PFKFB2: variants seen among roughly 807,000 people sequenced by gnomAD.
PFKFB2 encodes 6-phosphofructo-2-kinase/fructose-2,6-biphosphatase 2, also known as 6-phosphofructo-2-kinase/fructose-2,6-bisphosphatase 2.
A neutral mutation model predicts 68.0 loss-of-function variants in PFKFB2; 53 were observed. That is an observed-to-expected ratio of 0.78 (90% CI 0.63 to 0.98). The LOEUF (loss-of-function observed/expected upper bound fraction) is 0.98, where lower values mean the gene tolerates loss of function less well. Among genes scored for constraint, PFKFB2 ranks in the 50% least tolerant of loss-of-function variants. The probability of loss-of-function intolerance (pLI) is 0.00; values close to 1 mark genes in which losing one functional copy is unlikely to be tolerated. For missense variants in PFKFB2, 451 were observed against 642.0 expected (o/e 0.70, Z 3.22); for synonymous variants, 222 against 227.6 (o/e 0.98, Z 0.22).
rs969625569 is a variant in PFKFB2, at chr1:207,074,558, T to C, written c.*2187T>C. ...CTTTACTCGTATGTCCCAAGTAGGA[T>C]ACCATAGGCAGCTTCTAAAGGCTGC... On this transcript the variant is annotated 3_prime_UTR_variant, in exon 15 of 15. Transcript: ENST00000367080. 3 of 985,282 alleles carry C rather than the reference T, an allele frequency of 3.0e-6. No individual in the cohort carries two copies. The highest frequency in any genetic ancestry group is 3.6e-6 in the Non-Finnish European group (3 of 829,930). 61.0% of individuals were successfully genotyped at this position (985,282 alleles called of 1,614,324 possible). A position where few individuals can be genotyped will look rare whatever the true frequency, so the allele number is the denominator to read the frequency against.
upstream of PFKFB2, chr1:207,049,245 G>A (rs1161497777): frequency 6.2e-7 from 1 of 1,614,020 alleles, no homozygotes; most frequent in African/African-American, 1.3e-5. Context: ...GATCAGGGAA[G>A]TTACGCTGAA....
chr1:207,074,608 T>C lies in PFKFB2; in HGVS notation c.*2237T>C. 1.0e-6 allele frequency: 1 copy of C among 985,422 alleles called. No homozygotes were observed. Among genetic ancestry groups the C allele is most frequent in the Non-Finnish European group, 1.2e-6 (1 of 829,928 alleles). 61.0% of individuals were successfully genotyped at this position (985,422 alleles called of 1,614,324 possible). A position where few individuals can be genotyped will look rare whatever the true frequency, so the allele number is the denominator to read the frequency against. ...CTTACCTAGATTCTTCTCAAAATTG[T>C]GTCCAAGATGTTAAGTAACCTGCTA... On this transcript the variant is annotated 3_prime_UTR_variant, in exon 15 of 15. Coordinates refer to ENST00000367080, the MANE Select transcript of PFKFB2 (RefSeq NM_006212.2).
At chr1:207,065,215 A>T (rs1683248656) in intron 8 of PFKFB2, 55 bp downstream of exon 8, 3 of 1,597,080 alleles carry the variant, frequency 1.9e-6, no homozygotes, top group Non-Finnish European at 2.6e-6. Flanking sequence ...CATCTGGGAA[A>T]ATAACCTTTC....
chr1:207,058,519 C>G (rs1279740409), intron 2 of PFKFB2, among the ~76,000 whole-genome samples: 2 of 152,182 alleles, frequency 1.3e-5, no homozygotes, highest in Non-Finnish European at 2.9e-5. Context: ...ATTGTGGGAC[C>G]ATGGGCAAAG....
In PFKFB2 at chr1:207,064,117, T is replaced by G. The variant is rs116491777; in HGVS notation, c.507+288T>G. 2.1e-3 allele frequency among the ~76,000 whole-genome samples: 318 copies of G among 152,302 alleles called. 1 individual carries two copies. Among genetic ancestry groups the G allele is most frequent in the Non-Finnish European group, 2.9e-3 (199 of 68,030 alleles). On this transcript the variant is annotated intron_variant, in intron 7 of 14. Coordinates refer to ENST00000367080, the MANE Select transcript of PFKFB2 (RefSeq NM_006212.2). ...TTAGGTTGTAGGATTCTTGGCCCTG[T>G]GCTCTAGGTATTATCTGGATGTTGA... is the stretch of plus-strand genomic sequence containing the variant.
upstream of PFKFB2, chr1:207,049,833 G>C (rs1682692666): frequency 7.3e-6 from 7 of 960,584 alleles, no homozygotes; most frequent in Non-Finnish European, 1.1e-5. Flanking sequence ...CATAAACTGG[G>C]GTTACTAAGG....
At chr1:207,077,940 C>G (rs1175876007), downstream of PFKFB2, 1 of 278,228 alleles carries the variant, frequency 3.6e-6, no homozygotes, top group Non-Finnish European at 5.5e-6. Context: ...CAGAAGTTCG[C>G]ACTGTAATTG....
rs1040077816 is a variant in PFKFB2 at position 207,074,472 on chromosome 1, G to A, written c.*2101G>A. Reference sequence around the variant, plus strand: ...GATTTTAAGCACCCTGGAGAGAGGTGCAGACCCTGCCAGGATGATAAAGGT... The same window carrying A: ...GATTTTAAGCACCCTGGAGAGAGGTACAGACCCTGCCAGGATGATAAAGGT... On this transcript the variant is annotated 3_prime_UTR_variant, in exon 15 of 15. Transcript: ENST00000367080. 1 of 985,408 alleles carries A rather than the reference G, an allele frequency of 1.0e-6. No individual in the cohort carries two copies. 61.0% of individuals were successfully genotyped at this position (985,408 alleles called of 1,614,324 possible).
In PFKFB2 at chr1:207,062,701, C is replaced by A; in HGVS notation, c.293C>A (p.Ala98Asp). The A allele has an allele frequency of 1.2e-6, 2 of 1,613,906 alleles. No homozygotes were observed. The highest frequency in any genetic ancestry group is 1.7e-6 in the Non-Finnish European group (2 of 1,179,914). The change falls in exon 4 of 15, where the codon GCC becomes GAC. Residue 98 changes from alanine to aspartate, a missense_variant. Coordinates refer to ENST00000367080, the MANE Select transcript of PFKFB2 (RefSeq NM_006212.2). ...YDFFRHDNEE[A>D]MKIRKQCALV... ...TTCTTTCGGCATGACAATGAGGAGG[C>A]CATGAAGATCCGCAAGTGAGTCTTG...
chr1:207,050,586 C>T (rs796705998), upstream of PFKFB2: 3 of 1,518,298 alleles, frequency 2.0e-6, no homozygotes, highest in Non-Finnish European at 2.7e-6. Flanking sequence ...CAAAGCCCCC[C>T]CGCCGACTCA....
chr1:207,065,773 T>C lies in PFKFB2; in HGVS notation c.632+613T>C, dbSNP rs1572728237. On this transcript the variant is annotated intron_variant, in intron 8 of 14. Transcript: ENST00000367080. Reference sequence around the variant, plus strand: ...GTTGTAGGACCTGTCCTGTGCATTGTAGGATGTTCAGCAGCTTCCCTGGGC... The same window carrying C: ...GTTGTAGGACCTGTCCTGTGCATTGCAGGATGTTCAGCAGCTTCCCTGGGC... 2.6e-5 allele frequency among the ~76,000 whole-genome samples: 4 copies of C among 152,320 alleles called. 1 individual carries two copies. Among genetic ancestry groups the C allele is most frequent in the Middle Eastern group, 3.4e-3 (1 of 294 alleles).
rs1683563968 is a variant in PFKFB2, at chr1:207,074,415, A to C, written c.*2044A>C. 1.0e-6 allele frequency: 1 copy of C among 985,306 alleles called. No homozygotes were observed. The highest frequency in any genetic ancestry group is 1.2e-6 in the Non-Finnish European group (1 of 829,934). 61.0% of individuals were successfully genotyped at this position (985,306 alleles called of 1,614,324 possible). A position where few individuals can be genotyped will look rare whatever the true frequency, so the allele number is the denominator to read the frequency against. ...CTGAGTGATGTGGAACAAATCACTGAATTAAATAATTGTCTCTAGAGAGCA... is the reference window on the plus strand; with the variant it reads ...CTGAGTGATGTGGAACAAATCACTGCATTAAATAATTGTCTCTAGAGAGCA... On this transcript the variant is annotated 3_prime_UTR_variant, in exon 15 of 15. Coordinates refer to ENST00000367080, the MANE Select transcript of PFKFB2 (RefSeq NM_006212.2).
rs562308999 is a variant in PFKFB2 at position 207,077,202 on chromosome 1, T to C, written c.*4831T>C. On this transcript the variant is annotated 3_prime_UTR_variant, in exon 15 of 15. Transcript: ENST00000367080. ...CCACTGTTCATTTCTGAAGCTTCTGTGTCCCCAGCTTACCCTGTTCTGAAA... is the reference window on the plus strand; with the variant it reads ...CCACTGTTCATTTCTGAAGCTTCTGCGTCCCCAGCTTACCCTGTTCTGAAA... The C allele has an allele frequency of 2.0e-6, 2 of 985,394 alleles. No homozygotes were observed. Among genetic ancestry groups the C allele is most frequent in the African/African-American group, 3.5e-5 (2 of 57,342 alleles). 61.0% of individuals were successfully genotyped at this position (985,394 alleles called of 1,614,324 possible). A position where few individuals can be genotyped will look rare whatever the true frequency, so the allele number is the denominator to read the frequency against.
intron 1 of PFKFB2, among the ~76,000 whole-genome samples, chr1:207,037,880 C>T (rs1572704144): frequency 6.6e-6 from 1 of 152,302 alleles, no homozygotes; most frequent in Admixed American, 6.5e-5. Flanking sequence ...AATAATAGCA[C>T]ATAACTTATA....
intron 11 of PFKFB2, 33 bp downstream of exon 11, chr1:207,069,561 T>C (rs1450611500): frequency 7.4e-7 from 1 of 1,344,170 alleles, no homozygotes. Context: ...AGTGACTGCC[T>C]AGACCCTTGC....
At position 207,063,884 on chromosome 1, in the gene PFKFB2, G is replaced by GT; in HGVS notation, c.507+56dup. Reference sequence around the variant, plus strand: ...CTTCACCTTTTGTGCTGTGTGTGTTGTGGGGTGTGTGTGTGTGTGTGTGTG... The same window carrying GT: ...CTTCACCTTTTGTGCTGTGTGTGTTGTTGGGGTGTGTGTGTGTGTGTGTGTG... On this transcript the variant is annotated intron_variant, in intron 7 of 14. Coordinates refer to ENST00000367080, the MANE Select transcript of PFKFB2 (RefSeq NM_006212.2). This position sits in a 1 kb window ranked among gnomAD's most constrained non-coding sequence, Gnocchi z 4.1. The GT allele has an allele frequency of 8.4e-6, 7 of 837,976 alleles. No individual in the cohort carries two copies. The highest frequency in any genetic ancestry group is 1.1e-5 in the Non-Finnish European group (6 of 537,414). The allele number at this position is 837,976 out of a possible 1,614,324, so 51.9% of individuals were successfully genotyped here.
rs1256540605 is a variant in PFKFB2, at chr1:207,070,195, G to A, written c.1093-85G>A. ...AAAGCCAGCTGAGGAAGAAGAAGTG[G>A]CCCTTAGTCTCCAAGGTCCAGCCAC... On this transcript the variant is annotated intron_variant, in intron 11 of 14. Coordinates refer to ENST00000367080, the MANE Select transcript of PFKFB2 (RefSeq NM_006212.2). This position sits in a 1 kb window ranked among gnomAD's most constrained non-coding sequence, Gnocchi z 4.2. 2.0e-6 allele frequency: 3 copies of A among 1,518,564 alleles called. No homozygotes were observed. Among genetic ancestry groups the A allele is most frequent in the Non-Finnish European group, 2.7e-6 (3 of 1,112,640 alleles). 94.1% of individuals were successfully genotyped at this position (1,518,564 alleles called of 1,614,324 possible).
chr1:207,062,167 C>G, intron 3 of PFKFB2, 89 bp downstream of exon 3: 1 of 1,544,322 alleles, frequency 6.5e-7, no homozygotes, highest in South Asian at 1.2e-5. Context: ...GGCATCAATG[C>G]TATAGGGTGC....
intron 13 of PFKFB2, 62 bp from the exon 14 acceptor site, chr1:207,071,447 T>C (rs1558065647): frequency 5.1e-6 from 7 of 1,374,614 alleles, no homozygotes; most frequent in Non-Finnish European, 6.2e-6. Context: ...TACTTTCCCA[T>C]AACTAAGGAA....
Sources: gnomAD v4.1 joint callset for allele counts (sites outside exome capture counted in the v4.1 genomes callset) on GRCh38, gnomAD v4.1.1 for gene constraint, Gnocchi (gnomAD v3.1) non-coding constraint, MANE v1.5 for transcripts, NCBI Gene and HGNC (gene_info 2026-07-23, HGNC 2026-07-21) for gene names.